The following LRRK2 variants were observed in gnomAD, a reference collection of about 807,000 sequenced individuals.
The protein encoded by LRRK2 is leucine-rich repeat serine/threonine-protein kinase 2.
In LRRK2, 203 loss-of-function variants were observed where a neutral mutation model predicts 302.6. The ratio of observed to expected loss-of-function variants is 0.67; its 90% CI spans 0.60 to 0.75. LRRK2 has a LOEUF of 0.75. LRRK2 is among the 30% of genes least tolerant of loss of function. The pLI, the probability that LRRK2 is intolerant of heterozygous loss-of-function variation, is 0.00. For missense variants in LRRK2, 2,830 were observed against 2,951.0 expected (o/e 0.96, Z 0.95); for synonymous variants, 1,066 against 1,031.9 (o/e 1.03, Z -0.63).
At chr12:40,263,539 C>T (rs1020293529) in intron 13 of LRRK2, among the ~76,000 whole-genome samples, 6 of 152,110 alleles carry the variant, frequency 3.9e-5, no homozygotes, top group East Asian at 1.9e-4. Context: ...TCTTCACCAT[C>T]GTAATTTTTT....
chr12:40,298,573 A>G (rs1373358057), intron 24 of LRRK2, 80 bp downstream of exon 24: 8 of 1,550,184 alleles, frequency 5.2e-6, no homozygotes, highest in Non-Finnish European at 7.1e-6. Flanking sequence ...TTTTATAGCA[A>G]TGAGTTTTAA....
chr12:40,339,966 A>G (rs1945986649), intron 40 of LRRK2, among the ~76,000 whole-genome samples: 1 of 152,222 alleles, frequency 6.6e-6, no homozygotes. Context: ...ATGATCATTG[A>G]GAGAATTCAG....
At chr12:40,276,024 T>A (rs10878302) in intron 16 of LRRK2, among the ~76,000 whole-genome samples, 16,767 of 152,154 alleles carry the variant, frequency 0.11, 1,211 homozygotes, top group African/African-American at 0.19. Context: ...TAAAGTTTTT[T>A]AAAAAATTAT....
chr12:40,266,479 G>A (rs1234950848), intron 14 of LRRK2, among the ~76,000 whole-genome samples: 2 of 152,034 alleles, frequency 1.3e-5, no homozygotes, highest in Non-Finnish European at 2.9e-5. Flanking sequence ...TTAGAATGGC[G>A]ATCATTAAAA....
At chr12:40,340,519 A>G (rs1946007866) in intron 41 of LRRK2, 65 bp downstream of exon 41, 2 of 1,531,326 alleles carry the variant, frequency 1.3e-6, no homozygotes, top group Non-Finnish European at 1.8e-6. Context: ...CTCAGATGTG[A>G]GTTCAGAAGA....
At chr12:40,355,196 G>A (rs1946489291) in intron 45 of LRRK2, among the ~76,000 whole-genome samples, 1 of 152,146 alleles carries the variant, frequency 6.6e-6, no homozygotes. Context: ...TCCACTGGCA[G>A]TTTCGGAGTT....
chr12:40,295,740 A>T, intron 23 of LRRK2, 96 bp downstream of exon 23: 2 of 1,200,724 alleles, frequency 1.7e-6, no homozygotes, highest in Non-Finnish European at 2.4e-6. Flanking sequence ...AGAACATTCT[A>T]CTTTTGTGTC....
rs1040341506 is a variant in LRRK2 at position 40,310,783 on chromosome 12, G to T, written c.4536+134G>T. ...CCTTGTTGCTGTTAGCATTATTAAA[G>T]TCCTTTCCATTTTAAAATTATTTAT... On this transcript the variant is annotated intron_variant, in intron 31 of 50. Coordinates refer to ENST00000298910, the MANE Select transcript of LRRK2 (RefSeq NM_198578.4). 9.8e-6 allele frequency: 8 copies of T among 813,792 alleles called. No homozygotes were observed. In the African/African-American group the frequency reaches 1.4e-4, roughly 14 times the overall value. The allele number at this position is 813,792 out of a possible 1,614,324, so 50.4% of individuals were successfully genotyped here.
intron 3 of LRRK2, 36 bp downstream of exon 3, chr12:40,232,419 A>C (rs200538441): frequency 6.9e-7 from 1 of 1,446,186 alleles, no homozygotes; most frequent in Non-Finnish European, 9.7e-7. Flanking sequence ...AATGGCCTTG[A>C]GTATTTATTT....
chr12:40,339,654 A>G (rs1481739091), intron 40 of LRRK2, among the ~76,000 whole-genome samples: 1 of 152,146 alleles, frequency 6.6e-6, no homozygotes, highest in African/African-American at 2.4e-5. Context: ...TTAATATCTA[A>G]CATGATTAGG....
chr12:40,262,578 A>C (rs1179695801), intron 13 of LRRK2, among the ~76,000 whole-genome samples: 1 of 152,180 alleles, frequency 6.6e-6, no homozygotes, highest in Non-Finnish European at 1.5e-5. Context: ...CTCTCAAAAA[A>C]ATTTACAGTC....
At chr12:40,359,697 T>G (rs1592342305) in intron 47 of LRRK2, among the ~76,000 whole-genome samples, 1 of 152,268 alleles carries the variant, frequency 6.6e-6, no homozygotes, top group South Asian at 2.1e-4. Context: ...CTTAGTAGTA[T>G]TTATCAATCT....
chr12:40,354,311 A>G lies in LRRK2; in HGVS notation c.6589A>G (p.Ser2197Gly), dbSNP rs1946461955. ...CTTTTCTTAACAGGAAGTTGCTGAT[A>G]GTAGAATATTGTGCTTAGCCTTGGT... ...EGYTSEEVADSRILCLALVHL... is the reference protein window; with the variant it reads ...EGYTSEEVADGRILCLALVHL... Residue 2197 changes from serine (S) to glycine (G), a missense_variant, in exon 45 of 51, where the codon AGT becomes GGT. Transcript: ENST00000298910. 1.1e-5 allele frequency: 18 copies of G among 1,614,012 alleles called. No individual in the cohort carries two copies. The highest frequency in any genetic ancestry group is 2.2e-5 in the East Asian group (1 of 44,866).
Position 40,299,199 on chromosome 12 carries a change from G to A in LRRK2, c.3438G>A (p.Glu1146=). The change falls in exon 25 of 51, where the codon GAG becomes GAA. Residue 1146 remains glutamate (E), a synonymous_variant. Transcript: ENST00000298910. Reference sequence around the variant, plus strand: ...AGAACCACATTTCATCCCTATCAGAGAACTTTCTTGAGGCTTGTCCTAAAG... The same window carrying A: ...AGAACCACATTTCATCCCTATCAGAAAACTTTCTTGAGGCTTGTCCTAAAG... The part of the protein sequence containing the change: ...LSKNHISSLS[E]NFLEACPKVE... 6.2e-7 allele frequency: 1 copy of A among 1,613,428 alleles called. No homozygotes were observed. The highest frequency in any genetic ancestry group is 2.2e-5 in the East Asian group (1 of 44,806).
intron 28 of LRRK2, among the ~76,000 whole-genome samples, chr12:40,306,462 T>G (rs1452859170): frequency 6.6e-6 from 1 of 152,198 alleles, no homozygotes; most frequent in East Asian, 1.9e-4. Flanking sequence ...CCAAAACTTC[T>G]CAAGTATCAC....
chr12:40,242,056 T>C (rs2723271), intron 6 of LRRK2, among the ~76,000 whole-genome samples: 152,069 of 152,274 alleles, frequency 1, 75,932 homozygotes, highest in Middle Eastern at 1. Flanking sequence ...CCACCCACAT[T>C]GGACATAACT....
rs1019811388 is a variant in LRRK2, at chr12:40,304,239, A to G, written c.3777+105A>G. ...TTCTAAATACCAATTTCATGAAACT[A>G]GAAGCTTCCTGTTAACTATAAATTC... is the stretch of plus-strand genomic sequence containing the variant. On this transcript the variant is annotated intron_variant, in intron 27 of 50. Transcript: ENST00000298910. 20 of 1,085,358 alleles carry G rather than the reference A, an allele frequency of 1.8e-5. No homozygotes were observed. In the South Asian group the frequency reaches 2.9e-4, roughly 16 times the overall value. The allele number at this position is 1,085,358 out of a possible 1,614,324, so 67.2% of individuals were successfully genotyped here. A position where few individuals can be genotyped will look rare whatever the true frequency, so the allele number is the denominator to read the frequency against.
intron 8 of LRRK2, 130 bp downstream of exon 8, chr12:40,250,075 C>A (rs778788996): frequency 8.9e-7 from 1 of 1,124,446 alleles, no homozygotes; most frequent in Non-Finnish European, 1.3e-6. Flanking sequence ...GCTCATTTTC[C>A]AGTAGAGGAT....
chr12:40,283,516 AG>A (rs1943793239), intron 18 of LRRK2, among the ~76,000 whole-genome samples: 1 of 152,224 alleles, frequency 6.6e-6, no homozygotes, highest in Non-Finnish European at 1.5e-5. Context: ...CTGGTTTCCC[AG>A]GTATCTTACA....
Sources: gnomAD v4.1 joint callset for allele counts (sites outside exome capture counted in the v4.1 genomes callset) on GRCh38, gnomAD v4.1.1 for gene constraint, MANE v1.5 for transcripts, NCBI Gene and HGNC (gene_info 2026-07-23, HGNC 2026-07-21) for gene names.